HEATR5A: variants seen among roughly 807,000 people sequenced by gnomAD.
HEATR5A encodes HEAT repeat-containing protein 5A.
Under a neutral mutation model 218.8 loss-of-function variants are expected in HEATR5A, and 178 were observed. That is an observed-to-expected ratio of 0.81 (90% CI 0.72 to 0.92). The LOEUF (loss-of-function observed/expected upper bound fraction) is 0.92. Among genes scored for constraint, HEATR5A ranks in the 40% least tolerant of loss-of-function variants. The pLI is 0.00. For synonymous variants in HEATR5A, 864 were observed against 871.6 expected (o/e 0.99, Z 0.15); for missense variants, 2,420 against 2,418.9 (o/e 1.00, Z -0.01).
intron 14 of HEATR5A, 40 bp downstream of exon 14, chr14:31,364,149 T>G: frequency 3.7e-6 from 3 of 813,878 alleles, no homozygotes; most frequent in Middle Eastern, 4.5e-4. Flanking sequence ...GAAACCATAC[T>G]AGCCACAAAC....
At chr14:31,394,873 T>C (rs1047464278) in intron 5 of HEATR5A, among the ~76,000 whole-genome samples, 1 of 152,110 alleles carries the variant, frequency 6.6e-6, no homozygotes, top group African/African-American at 2.4e-5. Flanking sequence ...AAGCTATAAA[T>C]TAAAAATAAA....
At chr14:31,400,226 G>A (rs969634068) in intron 3 of HEATR5A, 75 bp downstream of exon 3, 13 of 917,900 alleles carry the variant, frequency 1.4e-5, no homozygotes, top group Non-Finnish European at 2.1e-5. Context: ...TAAATGTCAA[G>A]TACTATGGGT....
At chr14:31,320,510 T>C (rs1595093575) in intron 25 of HEATR5A, 1 of 1,264,206 alleles carries the variant, frequency 7.9e-7, no homozygotes, top group Non-Finnish European at 1.1e-6. Flanking sequence ...GGAGCTGCTG[T>C]AGGAAGGCTG....
intron 18 of HEATR5A, 43 bp from the exon 19 acceptor site, chr14:31,347,950 G>GA (rs754873403): frequency 2.3e-4 from 291 of 1,257,018 alleles, no homozygotes; most frequent in African/African-American, 2.1e-3. Context: ...CACTGCAAAA[G>GA]AAAAAAAACA....
At chr14:31,328,936 T>A (rs1461826958) in intron 22 of HEATR5A, among the ~76,000 whole-genome samples, 1 of 150,286 alleles carries the variant, frequency 6.7e-6, no homozygotes, top group Non-Finnish European at 1.5e-5. Context: ...TCCACATGAT[T>A]GGGGAAGCCT....
chr14:31,299,707 G>A (rs1230296379), intron 33 of HEATR5A, among the ~76,000 whole-genome samples: 1 of 143,346 alleles, frequency 7.0e-6, no homozygotes, highest in Non-Finnish European at 1.5e-5. Flanking sequence ...TGGGCAACAA[G>A]AGCAAAACTC....
chr14:31,408,231 A>G (rs2031148699), intron 1 of HEATR5A, among the ~76,000 whole-genome samples: 1 of 152,210 alleles, frequency 6.6e-6, no homozygotes, highest in Non-Finnish European at 1.5e-5. Context: ...TGCTTTTCAA[A>G]TTGGGATAAC....
Position 31,313,187 on chromosome 14 carries a change from AG to A in HEATR5A, c.4221del (p.Tyr1408ThrfsTer2), listed in dbSNP as rs1899811595. On this transcript the variant is annotated frameshift_variant and splice_region_variant, in exon 28 of 36. Coordinates refer to ENST00000543095, the MANE Select transcript of HEATR5A (RefSeq NM_015473.4). LOFTEE classifies it high-confidence loss of function. ...TTATGTCTTTGCACAGCAATTATGT[AG>A]ACCTGTTAAAGGTTAATTTAAAAAC... ...ILAVLKAWAE[V>X]YIIAVQRHKN... 7 of 1,608,216 alleles carry A rather than the reference AG, an allele frequency of 4.4e-6. No individual in the cohort carries two copies. Among genetic ancestry groups the A allele is most frequent in the Non-Finnish European group, 6.0e-6 (7 of 1,175,332 alleles).
intron 33 of HEATR5A, among the ~76,000 whole-genome samples, chr14:31,301,008 C>T (rs541791857): frequency 3.3e-4 from 50 of 152,282 alleles, no homozygotes; most frequent in Admixed American, 8.5e-4. Context: ...TCACACCCTA[C>T]GGCAATTTAT....
chr14:31,336,205 TATAC>T (rs149832555), intron 22 of HEATR5A, among the ~76,000 whole-genome samples: 1,834 of 19,090 alleles, frequency 0.096, 106 homozygotes, highest in Middle Eastern at 0.17. Flanking sequence ...TATTTTTATA[TATAC>T]ATACATACAT....
At position 31,315,416 on chromosome 14, in the gene HEATR5A, T is replaced by G. The variant is rs1344798988; in HGVS notation, c.4218+354A>C. Reference sequence around the variant, plus strand: ...CGACTACTTACTATTCAAAAATCATTCTACGAAAGAGCATTAGAAAGCATT... The same window carrying G: ...CGACTACTTACTATTCAAAAATCATGCTACGAAAGAGCATTAGAAAGCATT... On this transcript the variant is annotated intron_variant, in intron 27 of 35. Coordinates refer to ENST00000543095, the MANE Select transcript of HEATR5A (RefSeq NM_015473.4). Among the ~76,000 whole-genome samples the G allele has an allele frequency of 2.0e-5, 3 of 152,136 alleles. 1 individual carries two copies. Among genetic ancestry groups the G allele is most frequent in the Middle Eastern group, 6.3e-3 (2 of 316 alleles).
At chr14:31,313,485 T>A (rs1457144556) in intron 27 of HEATR5A, among the ~76,000 whole-genome samples, 2 of 152,232 alleles carry the variant, frequency 1.3e-5, no homozygotes, top group African/African-American at 4.8e-5. Context: ...TCACTAAGCC[T>A]GGTATGGCCT....
chr14:31,311,100 A>AACTT (rs1595084528), intron 28 of HEATR5A, among the ~76,000 whole-genome samples: 1 of 152,188 alleles, frequency 6.6e-6, no homozygotes, highest in East Asian at 1.9e-4. Flanking sequence ...AAACTAGTAG[A>AACTT]ACTTTACAGG....
Position 31,318,240 on chromosome 14 carries a change from G to C in HEATR5A, c.4022C>G (p.Thr1341Ser). ...AFTSETPPDV[T>S]AKACQVCSAW... is the part of the protein sequence containing the mutation. Reference sequence around the variant, plus strand: ...ACCATTTACCTGACATGCTTTGGCAGTGACATCAGGTGGTGTCTCTGAAGT... The same window carrying C: ...ACCATTTACCTGACATGCTTTGGCACTGACATCAGGTGGTGTCTCTGAAGT... The change falls in exon 26 of 36, where the codon ACT becomes AGT. Residue 1341 changes from threonine to serine, a missense_variant. By Grantham distance (58) the Thr-to-Ser change is moderately conservative (BLOSUM62 1). Coordinates refer to ENST00000543095, the MANE Select transcript of HEATR5A (RefSeq NM_015473.4). 1 of 1,613,738 alleles carries C rather than the reference G, an allele frequency of 6.2e-7. No individual in the cohort carries two copies. The highest frequency in any genetic ancestry group is 8.5e-7 in the Non-Finnish European group (1 of 1,179,660).
intron 33 of HEATR5A, among the ~76,000 whole-genome samples, chr14:31,300,810 C>T (rs941831072): frequency 6.6e-6 from 1 of 152,162 alleles, no homozygotes; most frequent in African/African-American, 2.4e-5. Context: ...ACTTCTTGCT[C>T]CCCAAACTCC....
At chr14:31,418,634 A>T (rs1566788894) in intron 1 of HEATR5A, among the ~76,000 whole-genome samples, 1 of 152,204 alleles carries the variant, frequency 6.6e-6, no homozygotes, top group Non-Finnish European at 1.5e-5. Flanking sequence ...CAGTTTCTCA[A>T]TGTCTCCTGA....
intron 1 of HEATR5A, among the ~76,000 whole-genome samples, chr14:31,412,505 A>C (rs1320655678): frequency 1.0e-5 from 1 of 95,548 alleles, no homozygotes; most frequent in Non-Finnish European, 2.1e-5. Context: ...GTGACAGAGC[A>C]AGACTCCATC....
rs190266623 is a variant in HEATR5A, at chr14:31,419,297, A to G, written c.-75+1175T>C. Among the ~76,000 whole-genome samples, 196 of 152,282 alleles carry G rather than the reference A, an allele frequency of 1.3e-3. No homozygotes were observed. In the Middle Eastern group the frequency reaches 0.014, roughly 11 times the overall value. On this transcript the variant is annotated intron_variant, in intron 1 of 35. Coordinates refer to ENST00000543095, the MANE Select transcript of HEATR5A (RefSeq NM_015473.4). ...TATCAGTGAAGAAAAAAAAAAAGTC[A>G]ATGGCATTAAAATGTAACACAAATC... is the stretch of plus-strand genomic sequence containing the variant.
At chr14:31,294,429 AT>A (rs3033605) in intron 34 of HEATR5A, among the ~76,000 whole-genome samples, 84 of 142,510 alleles carry the variant, frequency 5.9e-4, no homozygotes, top group African/African-American at 7.7e-4. Flanking sequence ...CTCCTGTAAC[AT>A]TTTTTTTTTT....
Sources: allele counts gnomAD v4.1 joint callset (sites outside exome capture counted in the v4.1 genomes callset), GRCh38; gene constraint gnomAD v4.1.1; transcripts MANE v1.5; gene names NCBI Gene and HGNC (gene_info 2026-07-23, HGNC 2026-07-21).